The following LARGE1 variants were observed in gnomAD, a reference collection of about 807,000 sequenced individuals.
LARGE1 encodes LARGE xylosyl- and glucuronyltransferase 1.
Under a neutral mutation model 87.6 loss-of-function variants are expected in LARGE1, and 43 were observed. The observed-to-expected ratio is 0.49, with a 90% CI of 0.38 to 0.63. The LOEUF is 0.63. Ranked by LOEUF, LARGE1 falls within the 30% of genes least tolerant of loss-of-function variation. The pLI is 0.00. For missense variants in LARGE1, 802 were observed against 1,000.2 expected, an observed-to-expected ratio of 0.80 and a Z score of 2.67; for synonymous variants, 434 against 394.6, an observed-to-expected ratio of 1.10 and a Z score of -1.18.
chr22:33,127,497 AACTT>A, the LARGE1 span, among the ~76,000 whole-genome samples: 1 of 152,158 alleles, frequency 6.6e-6, no homozygotes, highest in Admixed American at 6.5e-5. Context: ...AGAAAAGAAA[AACTT>A]ACTCAAGCAC....
downstream of LARGE1, among the ~76,000 whole-genome samples, chr22:33,268,791 CTAAG>C (rs768869026): frequency 2.1e-4 from 32 of 152,280 alleles, no homozygotes; most frequent in Admixed American, 1.2e-3. Context: ...AATAAGGCGA[CTAAG>C]TTAGTGACAT....
intron 11 of LARGE1, among the ~76,000 whole-genome samples, chr22:33,201,473 G>A (rs1924390559): frequency 1.3e-5 from 2 of 151,974 alleles, no homozygotes; most frequent in Admixed American, 1.3e-4. Context: ...ACATAGAACA[G>A]GTAAGGGGTA....
chr22:33,316,462 C>T lies in LARGE1; in HGVS notation c.1288-214G>A, dbSNP rs2285105. 0.29 allele frequency among the ~76,000 whole-genome samples: 44,235 copies of T among 152,180 alleles called. 7,188 individuals carry two copies. The highest frequency in any genetic ancestry group is 0.38 in the Non-Finnish European group (25,838 of 68,000). ...TGGTAAAAATCAGATGCCTGGGGAC[C>T]GGCTGTGGTGGCTCACACCTGTAAT... is the stretch of plus-strand genomic sequence containing the variant. On this transcript the variant is annotated intron_variant, in intron 10 of 14. Coordinates refer to ENST00000397394, the MANE Select transcript of LARGE1 (RefSeq NM_133642.5).
the LARGE1 span, among the ~76,000 whole-genome samples, chr22:33,141,189 C>T: frequency 3.4e-5 from 5 of 147,084 alleles, no homozygotes; most frequent in Non-Finnish European, 7.4e-5. Flanking sequence ...CTCTCTCTCT[C>T]TCTCTCACAC....
At chr22:33,136,945 A>T in the LARGE1 span, among the ~76,000 whole-genome samples, 1 of 152,016 alleles carries the variant, frequency 6.6e-6, no homozygotes, top group Non-Finnish European at 1.5e-5. Context: ...AAAAAAAAAA[A>T]TAAACTGGAG....
the LARGE1 span, among the ~76,000 whole-genome samples, chr22:33,113,499 A>G: frequency 3.3e-5 from 5 of 152,204 alleles, no homozygotes; most frequent in Admixed American, 2.6e-4. Context: ...GAGCCACTGC[A>G]CCCAGCCGTC....
intron 6 of LARGE1, among the ~76,000 whole-genome samples, chr22:33,458,308 G>A (rs918224304): frequency 6.6e-6 from 1 of 152,046 alleles, no homozygotes; most frequent in African/African-American, 2.4e-5. Flanking sequence ...GTTTCACTGT[G>A]TCAGCCAGGA....
intron 10 of LARGE1, among the ~76,000 whole-genome samples, chr22:33,333,494 T>C (rs1302086497): frequency 6.6e-6 from 1 of 152,178 alleles, no homozygotes; most frequent in Non-Finnish European, 1.5e-5. Flanking sequence ...CTGGTCAGCT[T>C]TGTTCCTAGC....
intron 5 of LARGE1, among the ~76,000 whole-genome samples, chr22:33,590,367 A>C (rs1438692879): frequency 6.6e-6 from 1 of 152,220 alleles, no homozygotes; most frequent in Admixed American, 6.5e-5. Context: ...TATTAAAGTA[A>C]TTGATGTTTG....
chr22:33,501,967 C>A (rs2070460804), intron 6 of LARGE1, among the ~76,000 whole-genome samples: 1 of 152,024 alleles, frequency 6.6e-6, no homozygotes, highest in Non-Finnish European at 1.5e-5. Context: ...CTGAGGCGGG[C>A]AGATCACCTG....
intron 11 of LARGE1, among the ~76,000 whole-genome samples, chr22:33,263,379 T>C (rs1051492719): frequency 1.3e-5 from 2 of 152,224 alleles, no homozygotes; most frequent in African/African-American, 4.8e-5. Flanking sequence ...AGACTCAGGT[T>C]GAGCAGGATG....
At chr22:33,229,461 A>G (rs9607027) in intron 11 of LARGE1, among the ~76,000 whole-genome samples, 33,225 of 151,984 alleles carry the variant, frequency 0.22, 4,785 homozygotes, top group Non-Finnish European at 0.32. Flanking sequence ...ATATTTTAAA[A>G]ATAAATAATA....
intron 10 of LARGE1, among the ~76,000 whole-genome samples, chr22:33,317,694 T>C (rs564775004): frequency 3.3e-4 from 50 of 152,268 alleles, no homozygotes; most frequent in Non-Finnish European, 6.8e-4. Context: ...CACGGTCTCA[T>C]GTGAACCCCT....
Position 33,272,533 on chromosome 22 carries a change from TA to T in LARGE1, c.*1893del, listed in dbSNP as rs1259617539. ...CTTTCAAAATTTTTGTTCTGCTTTA[TA>T]CATATATGTCACTTTTTATTTATAA... On this transcript the variant is annotated 3_prime_UTR_variant, in exon 15 of 15. Coordinates refer to ENST00000397394, the MANE Select transcript of LARGE1 (RefSeq NM_133642.5). 6.6e-6 allele frequency among the ~76,000 whole-genome samples: 1 copy of T among 152,242 alleles called. No individual in the cohort carries two copies. Among genetic ancestry groups the T allele is most frequent in the African/African-American group, 2.4e-5 (1 of 41,456 alleles).
intron 1 of LARGE1, among the ~76,000 whole-genome samples, chr22:33,887,138 T>C (rs1187646035): frequency 6.6e-6 from 1 of 152,204 alleles, no homozygotes; most frequent in Non-Finnish European, 1.5e-5. Flanking sequence ...GAATGAGTTC[T>C]GCTGTGGTCT....
chr22:33,724,770 T>A (rs2083218084), intron 2 of LARGE1: 1 of 152,290 alleles, frequency 6.6e-6, no homozygotes, highest in Admixed American at 6.5e-5. Flanking sequence ...AGCTGGGCAC[T>A]TCTAAGTGTA....
intron 11 of LARGE1, among the ~76,000 whole-genome samples, chr22:33,258,965 C>T (rs977761364): frequency 1.3e-5 from 2 of 151,916 alleles, no homozygotes; most frequent in Admixed American, 6.6e-5. Flanking sequence ...GCAACCTCCA[C>T]CTCCCAGGTT....
At chr22:33,765,771 A>G (rs2084883317) in intron 1 of LARGE1, among the ~76,000 whole-genome samples, 1 of 150,726 alleles carries the variant, frequency 6.6e-6, no homozygotes, top group African/African-American at 2.4e-5. Context: ...GGAGGAGGAT[A>G]GGAACTGAAC....
intron 11 of LARGE1, among the ~76,000 whole-genome samples, chr22:33,213,831 C>CT (rs894105038): frequency 5.7e-4 from 84 of 147,406 alleles, no homozygotes; most frequent in South Asian, 2.8e-3. Context: ...TTTTCTTTTT[C>CT]TTTTTTTTTT....
Sources: gnomAD v4.1 joint callset for allele counts (sites outside exome capture counted in the v4.1 genomes callset) on GRCh38, gnomAD v4.1.1 for gene constraint, MANE v1.5 for transcripts, NCBI Gene and HGNC (gene_info 2026-07-23, HGNC 2026-07-21) for gene names.